The following UTY variants were observed in gnomAD, a reference collection of about 807,000 sequenced individuals.
The protein encoded by UTY is histone demethylase UTY.
UTY carries 12 observed loss-of-function variants against 32.5 expected under a neutral mutation model. That is an observed-to-expected ratio of 0.37 (90% CI 0.24 to 0.60). UTY has a LOEUF of 0.60. Ranked by LOEUF, UTY falls within the 20% of genes least tolerant of loss-of-function variation. The pLI, the probability that UTY is intolerant of heterozygous loss-of-function variation, is 0.69. For synonymous variants in UTY, 131 were observed against 103.4 expected, an observed-to-expected ratio of 1.27 and a Z score of -1.62; for missense variants, 303 against 299.2, an observed-to-expected ratio of 1.01 and a Z score of -0.09.
intron 6 of UTY, among the ~76,000 whole-genome samples, chrY:13,406,523 T>C (rs573352806): frequency 3.6e-3 from 112 of 31,100 alleles, no homozygotes; most frequent in African/African-American, 0.012. Flanking sequence ...AAGGGGACAA[T>C]AAATACCTCA....
intron 4 of UTY, among the ~76,000 whole-genome samples, chrY:13,435,260 G>A: frequency 3.0e-5 from 1 of 33,098 alleles, no homozygotes; most frequent in Non-Finnish European, 7.4e-5. Context: ...TTATTTAGAA[G>A]TTATACATAG....
chrY:13,435,260 G>T, intron 4 of UTY, among the ~76,000 whole-genome samples: 3 of 33,098 alleles, frequency 9.1e-5, no homozygotes, highest in Admixed American at 5.4e-4. Flanking sequence ...TTATTTAGAA[G>T]TTATACATAG....
intron 19 of UTY, among the ~76,000 whole-genome samples, chrY:13,325,272 C>T (rs9341279): frequency 0.086 from 2,841 of 32,862 alleles, no homozygotes; most frequent in East Asian, 0.059. Context: ...TCTTCTAATA[C>T]CATCGTCAAT....
chrY:13,471,086 G>A, intron 2 of UTY, among the ~76,000 whole-genome samples: 2 of 33,698 alleles, frequency 5.9e-5, no homozygotes, highest in Non-Finnish European at 1.5e-4. Context: ...CTGGAATTTT[G>A]CTGCAAATAG....
intron 27 of UTY, among the ~76,000 whole-genome samples, chrY:13,288,120 C>CA (rs2057531441): frequency 3.1e-5 from 1 of 32,096 alleles, no homozygotes; most frequent in African/African-American, 1.2e-4. Flanking sequence ...TTAGTGCCTA[C>CA]AGACCCAGTT....
At chrY:13,268,380 C>T (rs893441113) in intron 27 of UTY, among the ~76,000 whole-genome samples, 7 of 33,584 alleles carry the variant, frequency 2.1e-4, no homozygotes, top group Non-Finnish European at 5.1e-4. Context: ...TCCATCAGGT[C>T]ACTTATGTTC....
chrY:13,427,182 G>A, intron 4 of UTY, among the ~76,000 whole-genome samples: 2 of 33,549 alleles, frequency 6.0e-5, no homozygotes. Flanking sequence ...CAATCACACA[G>A]CAAAAAGCTG....
intron 2 of UTY, chrY:13,479,035 G>A: frequency 8.8e-6 from 1 of 113,243 alleles, no homozygotes; most frequent in Non-Finnish European, 1.6e-5. Flanking sequence ...GGTTTAGCCC[G>A]GTCCCAAAGC....
chrY:13,287,275 CAGAAAT>C (rs2057453977), intron 27 of UTY: 1 of 393,867 alleles, frequency 2.5e-6, no homozygotes, highest in Non-Finnish European at 3.6e-6. Flanking sequence ...TTCAAACCTT[CAGAAAT>C]AGAAGTTGGA....
At chrY:13,455,347 C>G (rs1031562796) in intron 3 of UTY, among the ~76,000 whole-genome samples, 2 of 33,047 alleles carry the variant, frequency 6.1e-5, no homozygotes, top group Admixed American at 5.5e-4. Flanking sequence ...AAGTAAAGAT[C>G]TCTCCCTGGA....
At chrY:13,432,445 T>C in intron 4 of UTY, among the ~76,000 whole-genome samples, 1 of 33,313 alleles carries the variant, frequency 3.0e-5, no homozygotes, top group Non-Finnish European at 7.4e-5. Context: ...AGCAGTTGCC[T>C]ACCTATAAGC....
intron 27 of UTY, among the ~76,000 whole-genome samples, chrY:13,267,161 T>C (rs576785141): frequency 2.7e-4 from 9 of 33,345 alleles, no homozygotes; most frequent in African/African-American, 7.1e-4. Context: ...TAAGTCTCTT[T>C]GTAGGTCTCT....
At chrY:13,457,022 A>T in intron 3 of UTY, among the ~76,000 whole-genome samples, 1 of 33,687 alleles carries the variant, frequency 3.0e-5, no homozygotes, top group African/African-American at 1.2e-4. Context: ...TACCTGGAAC[A>T]TATAAGAGCC....
chrY:13,290,756 G>T, intron 27 of UTY, among the ~76,000 whole-genome samples: 1 of 32,861 alleles, frequency 3.0e-5, no homozygotes, highest in Non-Finnish European at 7.5e-5. Context: ...GTAGTGACAG[G>T]GTTTCACCAT....
At chrY:13,474,649 C>T in intron 2 of UTY, among the ~76,000 whole-genome samples, 1 of 33,771 alleles carries the variant, frequency 3.0e-5, no homozygotes, top group Non-Finnish European at 7.4e-5. Context: ...CACTTTAGAC[C>T]TAAGGACACG....
At chrY:13,360,618 A>C in intron 10 of UTY, 90 bp from the exon 11 acceptor site, 1 of 182,693 alleles carries the variant, frequency 5.5e-6, no homozygotes, top group African/African-American at 8.4e-5. Context: ...AAAAATGGGC[A>C]AGCATATGAG....
chrY:13,363,299 C>T, intron 10 of UTY, among the ~76,000 whole-genome samples: 1 of 32,415 alleles, frequency 3.1e-5, no homozygotes, highest in Non-Finnish European at 7.5e-5. Context: ...TTCCTCACAA[C>T]CTCAGCCTTC....
intron 14 of UTY, chrY:13,358,190 G>T: frequency 4.1e-5 from 4 of 96,496 alleles, no homozygotes; most frequent in Non-Finnish European, 5.7e-5. Flanking sequence ...GTAGAAAGGT[G>T]GTCTACTACT....
intron 27 of UTY, among the ~76,000 whole-genome samples, chrY:13,272,780 A>G: frequency 3.0e-5 from 1 of 33,567 alleles, no homozygotes; most frequent in Non-Finnish European, 7.4e-5. Context: ...TCACTCTGTC[A>G]TTGAGGCTCA....
Sources: gnomAD v4.1 joint callset for allele counts (sites outside exome capture counted in the v4.1 genomes callset) on GRCh38, gnomAD v4.1.1 for gene constraint, MANE v1.5 for transcripts, NCBI Gene and HGNC (gene_info 2026-07-23, HGNC 2026-07-21) for gene names.